The following SLC15A2 variants were observed in gnomAD, a reference collection of about 807,000 sequenced individuals.
The protein encoded by SLC15A2 is kidney H(+)/peptide cotransporter.
Under a neutral mutation model 95.5 loss-of-function variants are expected in SLC15A2, and 77 were observed. That is an observed-to-expected ratio of 0.81 (90% CI 0.67 to 0.97). The LOEUF is 0.97. SLC15A2 is among the 50% of genes least tolerant of loss of function. The pLI is 0.00. For missense variants in SLC15A2, 893 were observed against 874.4 expected (o/e 1.02, Z -0.27); for synonymous variants, 306 against 306.9 (o/e 1.00, Z 0.03).
intron 7 of SLC15A2, among the ~76,000 whole-genome samples, chr3:121,917,045 C>T (rs961274109): frequency 6.6e-6 from 1 of 152,130 alleles, no homozygotes; most frequent in Non-Finnish European, 1.5e-5. Flanking sequence ...TGGTCTCGAT[C>T]TCCTGACCTT....
chr3:121,897,976 A>T (rs1265307188), intron 3 of SLC15A2, among the ~76,000 whole-genome samples: 2 of 152,114 alleles, frequency 1.3e-5, no homozygotes, highest in African/African-American at 4.8e-5. Flanking sequence ...AGCCTGGCTA[A>T]CATGGTGAAA....
At chr3:121,902,590 A>G (rs1341263454) in intron 3 of SLC15A2, among the ~76,000 whole-genome samples, 2 of 152,056 alleles carry the variant, frequency 1.3e-5, no homozygotes, top group Non-Finnish European at 2.9e-5. Context: ...ATTCCCACCT[A>G]TGAGTGAGAA....
At chr3:121,906,791 A>AT (rs1339864868) in intron 3 of SLC15A2, among the ~76,000 whole-genome samples, 3 of 151,566 alleles carry the variant, frequency 2.0e-5, no homozygotes, top group African/African-American at 7.3e-5. Context: ...TGCCCTTAAC[A>AT]TTTTTTCCTT....
At chr3:121,904,363 C>G (rs1709587536) in intron 3 of SLC15A2, among the ~76,000 whole-genome samples, 2 of 152,134 alleles carry the variant, frequency 1.3e-5, no homozygotes, top group African/African-American at 4.8e-5. Flanking sequence ...GCCTAATTGC[C>G]CTGGCCAGAA....
chr3:121,927,463 G>A (rs934350319), intron 13 of SLC15A2, among the ~76,000 whole-genome samples: 18 of 152,106 alleles, frequency 1.2e-4, no homozygotes, highest in African/African-American at 3.9e-4. Flanking sequence ...CCATCTCCTC[G>A]CTTGCTTCTG....
rs1491244650 is a variant in SLC15A2, at chr3:121,925,782, A to AT, written c.1124+749_1124+750insT. Among the ~76,000 whole-genome samples, 85 of 49,192 alleles carry AT rather than the reference A, an allele frequency of 1.7e-3. 1 individual carries two copies. The highest frequency in any genetic ancestry group is 2.4e-3 in the Non-Finnish European group (58 of 24,144). The allele number at this position is 49,192 out of a possible 152,430, so 32.3% of individuals were successfully genotyped here. A position where few individuals can be genotyped will look rare whatever the true frequency, so the allele number is the denominator to read the frequency against. The stretch of plus-strand genomic sequence containing the variant: ...TATATATATATATATATATATATAT[A>AT]AAATACAACTACTACACAGGTAAAA... On this transcript the variant is annotated intron_variant, in intron 13 of 21. Transcript: ENST00000489711.
At chr3:121,940,809 T>C in intron 21 of SLC15A2, 22 bp from the exon 22 acceptor site, 1 of 1,600,162 alleles carries the variant, frequency 6.2e-7, no homozygotes, top group South Asian at 1.1e-5. Flanking sequence ...CATATTCTTC[T>C]CATATTTATT....
intron 19 of SLC15A2, 45 bp downstream of exon 19, chr3:121,931,780 A>C: frequency 8.8e-7 from 1 of 1,130,730 alleles, no homozygotes; most frequent in Non-Finnish European, 1.3e-6. Context: ...CCATATACAT[A>C]TATCTCCTGA....
intron 3 of SLC15A2, among the ~76,000 whole-genome samples, chr3:121,909,386 C>T (rs1433028220): frequency 1.3e-5 from 2 of 152,150 alleles, no homozygotes; most frequent in African/African-American, 4.8e-5. Flanking sequence ...TTAGAAATGT[C>T]ATTTGACCTG....
rs72551379 is a variant in SLC15A2 at position 121,941,097 on chromosome 3, G to A, written c.*90G>A. 27,034 of 1,149,232 alleles carry A rather than the reference G, an allele frequency of 0.024. 417 individuals are homozygous for A. Among genetic ancestry groups the A allele is most frequent in the Non-Finnish European group, 0.03 (24,295 of 814,952 alleles). 71.2% of individuals were successfully genotyped at this position (1,149,232 alleles called of 1,614,324 possible). On this transcript the variant is annotated 3_prime_UTR_variant, in exon 22 of 22. Transcript: ENST00000489711. The stretch of plus-strand genomic sequence containing the variant: ...ACTGGATTAGACAAGAGAGATAGCA[G>A]CATATCAGAGCTGATCTCCTCCACC...
intron 5 of SLC15A2, among the ~76,000 whole-genome samples, chr3:121,913,882 A>G (rs1455728852): frequency 6.6e-6 from 1 of 150,504 alleles, no homozygotes; most frequent in Non-Finnish European, 1.5e-5. Flanking sequence ...CTCTTCTATA[A>G]CTGTTTATCT....
chr3:121,910,350 C>T (rs541639690), intron 3 of SLC15A2, among the ~76,000 whole-genome samples: 50 of 152,234 alleles, frequency 3.3e-4, no homozygotes, highest in African/African-American at 1.1e-3. Flanking sequence ...GTGCATGTCA[C>T]CACGCCCAGC....
At chr3:121,899,916 G>C (rs1709491561) in intron 3 of SLC15A2, among the ~76,000 whole-genome samples, 1 of 151,286 alleles carries the variant, frequency 6.6e-6, no homozygotes, top group Non-Finnish European at 1.5e-5. Flanking sequence ...TTTTGAACTT[G>C]TTGTTAACAT....
Position 121,922,756 on chromosome 3 carries a change from T to C in SLC15A2, c.781-19T>C, listed in dbSNP as rs899018655. ...GTTTTTCTCTTTGTCTCTCCCATGA[T>C]GTCTACTCTCTGCCCTAGTTTGCTA... On this transcript the variant is annotated intron_variant, in intron 8 of 21. Coordinates refer to ENST00000489711, the MANE Select transcript of SLC15A2 (RefSeq NM_021082.4). 1.3e-6 allele frequency: 2 copies of C among 1,596,294 alleles called. No individual in the cohort carries two copies. Among genetic ancestry groups the C allele is most frequent in the Non-Finnish European group, 1.7e-6 (2 of 1,165,106 alleles).
Position 121,924,352 on chromosome 3 carries a change from G to C in SLC15A2, c.1004G>C (p.Gly335Ala). 1 of 1,613,016 alleles carries C rather than the reference G, an allele frequency of 6.2e-7. No homozygotes were observed. The highest frequency in any genetic ancestry group is 1.1e-5 in the South Asian group (1 of 91,044). ...LQAIRMNRNL[G>A]FFVLQPDQMQ... Reference sequence around the variant, plus strand: ...AATTAATTTGTTAAAATGTTTCAGGGGTTTTTTGTGCTTCAGCCGGACCAG... The same window carrying C: ...AATTAATTTGTTAAAATGTTTCAGGCGTTTTTTGTGCTTCAGCCGGACCAG... The change falls in exon 12 of 22, where the codon GGG becomes GCG. Residue 335 changes from glycine to alanine, a missense_variant and splice_region_variant. Gly to Ala is a moderately conservative substitution (Grantham distance 60, BLOSUM62 0). Coordinates refer to ENST00000489711, the MANE Select transcript of SLC15A2 (RefSeq NM_021082.4).
intron 2 of SLC15A2, among the ~76,000 whole-genome samples, chr3:121,896,847 G>A (rs1380271332): frequency 1.4e-5 from 2 of 142,858 alleles, no homozygotes; most frequent in Non-Finnish European, 3.0e-5. Flanking sequence ...CTGTAATTGT[G>A]CCAGTGAATG....
chr3:121,922,362 G>A, intron 8 of SLC15A2, 60 bp downstream of exon 8: 7 of 1,343,914 alleles, frequency 5.2e-6, no homozygotes, highest in Non-Finnish European at 6.3e-6. Context: ...GCTATGCTGA[G>A]AATATGGGCC....
chr3:121,916,951 G>A (rs1709906246), intron 7 of SLC15A2, among the ~76,000 whole-genome samples: 2 of 151,988 alleles, frequency 1.3e-5, no homozygotes, highest in South Asian at 4.2e-4. Context: ...CTCCCGAGTA[G>A]CTGGGACTAC....
At chr3:121,916,331 G>A (rs934986993) in intron 7 of SLC15A2, among the ~76,000 whole-genome samples, 15 of 152,104 alleles carry the variant, frequency 9.9e-5, no homozygotes, top group Non-Finnish European at 1.2e-4. Context: ...ATTTTACATA[G>A]CCTAAGGGAA....
Sources: allele counts gnomAD v4.1 joint callset (sites outside exome capture counted in the v4.1 genomes callset), GRCh38; gene constraint gnomAD v4.1.1; transcripts MANE v1.5; gene names NCBI Gene and HGNC (gene_info 2026-07-23, HGNC 2026-07-21).